Variants in KNL1 observed in about 807,000 individuals in gnomAD.
KNL1 encodes the protein kinetochore scaffold 1.
In KNL1, 66 loss-of-function variants were observed where a neutral mutation model predicts 201.3. The ratio of observed to expected loss-of-function variants is 0.33; its 90% CI spans 0.27 to 0.40. The LOEUF (loss-of-function observed/expected upper bound fraction) is 0.40, where lower values mean the gene tolerates loss of function less well. Ranked by LOEUF, KNL1 falls within the 10% of genes least tolerant of loss-of-function variation. The pLI is 1.00. For synonymous variants in KNL1, 895 were observed against 899.2 expected (o/e 1.00, Z 0.08); for missense variants, 2,815 against 2,690.5 (o/e 1.05, Z -1.02).
Position 40,627,531 on chromosome 15 carries a change from C to A in KNL1, c.5377-539C>A, listed in dbSNP as rs1182529799. ...TCCGCCTCAAAAAAAAAAAAAAAAACTTACCAAAAGCATGTAAGAAGATAG... is the reference window on the plus strand; with the variant it reads ...TCCGCCTCAAAAAAAAAAAAAAAAAATTACCAAAAGCATGTAAGAAGATAG... On this transcript the variant is annotated intron_variant, in intron 10 of 25. Coordinates refer to ENST00000399668, the MANE Select transcript of KNL1 (RefSeq NM_144508.5). 4.8e-5 allele frequency among the ~76,000 whole-genome samples: 7 copies of A among 146,870 alleles called. No individual in the cohort carries two copies. In the East Asian group the frequency reaches 6.0e-4, roughly 13 times the overall value.
At chr15:40,652,558 T>A (rs1270604237) in intron 21 of KNL1, among the ~76,000 whole-genome samples, 1 of 149,482 alleles carries the variant, frequency 6.7e-6, no homozygotes, top group Non-Finnish European at 1.5e-5. Flanking sequence ...TCATCTGAGG[T>A]CAGGAGTTCG....
Position 40,651,569 on chromosome 15 carries a change from T to G in KNL1, c.6311T>G (p.Leu2104Trp), listed in dbSNP as rs115973566. ...AGAACTGAAGAGCTACTGGATCAGT[T>G]GAGGTAAGGAAATGCAGGCATCATT... Reference protein sequence around the residue: ...RNRTEELLDQLSLSEWDVVEW... With the variant: ...RNRTEELLDQWSLSEWDVVEW... Residue 2104 changes from leucine to tryptophan, a missense_variant, in exon 20 of 26, where the codon TTG becomes TGG. Physicochemically the swap from Leu to Trp is moderately conservative, Grantham distance 61. Coordinates refer to ENST00000399668, the MANE Select transcript of KNL1 (RefSeq NM_144508.5). 3.8e-5 allele frequency: 61 copies of G among 1,598,900 alleles called. No homozygotes were observed. The African/African-American group carries it at 6.5e-4, about 17-fold the overall frequency.
rs577481753 is a variant in KNL1, at chr15:40,664,171, C to T, written c.*1983C>T. 13 of 182,534 alleles carry T rather than the reference C, an allele frequency of 7.1e-5. No homozygotes were observed. The highest frequency in any genetic ancestry group is 2.7e-4 in the East Asian group (3 of 11,150). 11.3% of individuals were successfully genotyped at this position (182,534 alleles called of 1,614,324 possible). On this transcript the variant is annotated 3_prime_UTR_variant, in exon 26 of 26. Coordinates refer to ENST00000399668, the MANE Select transcript of KNL1 (RefSeq NM_144508.5). ...CTAAAAAAGATTTGGCTTGTAATGA[C>T]GGTCTCTGCTTTTTTGGGTTTGGAG...
Position 40,662,338 on chromosome 15 carries a change from C to T in KNL1, c.*150C>T. 2 of 584,512 alleles carry T rather than the reference C, an allele frequency of 3.4e-6. No individual in the cohort carries two copies. Among genetic ancestry groups the T allele is most frequent in the African/African-American group, 3.8e-5 (2 of 53,086 alleles). 36.2% of individuals were successfully genotyped at this position (584,512 alleles called of 1,614,324 possible). On this transcript the variant is annotated 3_prime_UTR_variant, in exon 26 of 26. Transcript: ENST00000399668. ...TAGTTAATCTGTATGTTTTTTATAT[C>T]TCTGCAGAATGATGGTGATGAAGTC...
intron 1 of KNL1, among the ~76,000 whole-genome samples, chr15:40,599,334 T>C (rs914642038): frequency 6.7e-6 from 1 of 149,820 alleles, no homozygotes; most frequent in Non-Finnish European, 1.5e-5. Flanking sequence ...AAAAAAAGTT[T>C]TGTTTTGTTT....
chr15:40,630,737 C>G (rs1567013604), intron 13 of KNL1, among the ~76,000 whole-genome samples: 1 of 152,124 alleles, frequency 6.6e-6, no homozygotes, highest in Non-Finnish European at 1.5e-5. Flanking sequence ...CCTCTAGTTG[C>G]AAGAAAATCA....
At chr15:40,595,475 G>A (rs1891594967) in intron 1 of KNL1, among the ~76,000 whole-genome samples, 1 of 152,168 alleles carries the variant, frequency 6.6e-6, no homozygotes, top group Admixed American at 6.5e-5. Context: ...AAAGGTTAGG[G>A]TCAAAGCAGT....
intron 5 of KNL1, 137 bp downstream of exon 5, chr15:40,609,045 G>A (rs546153051): frequency 7.8e-5 from 46 of 591,418 alleles, no homozygotes; most frequent in African/African-American, 6.2e-4. Context: ...TCAGTATTAT[G>A]TTTAAAAGAG....
chr15:40,608,564 G>A (rs1892050657), intron 4 of KNL1, among the ~76,000 whole-genome samples: 1 of 151,894 alleles, frequency 6.6e-6, no homozygotes. Flanking sequence ...TGACCAACAT[G>A]GAGAAACCCC....
chr15:40,612,046 A>G (rs535037610), intron 7 of KNL1, among the ~76,000 whole-genome samples: 2 of 152,050 alleles, frequency 1.3e-5, no homozygotes, highest in Non-Finnish European at 2.9e-5. Context: ...GGCCGGGCAC[A>G]GTGGCTTACG....
rs1396832507 is a variant in KNL1, at chr15:40,657,444, C to T, written c.6684C>T (p.Asn2228=). 1 of 1,548,670 alleles carries T rather than the reference C, an allele frequency of 6.5e-7. No homozygotes were observed. ...TAAAGAGATGGGGACCAAATTATAA[C>T]CTAATGAACATAGATATTAATAATA... ...EYLKRWGPNY[N]LMNIDINNNE... The change falls in exon 24 of 26, where the codon AAC becomes AAT. Residue 2228 remains asparagine (N), a synonymous_variant. Coordinates refer to ENST00000399668, the MANE Select transcript of KNL1 (RefSeq NM_144508.5).
intron 13 of KNL1, among the ~76,000 whole-genome samples, chr15:40,639,641 A>G (rs1043350775): frequency 1.3e-5 from 2 of 151,922 alleles, no homozygotes; most frequent in East Asian, 1.9e-4. Flanking sequence ...ATGGTGGCTC[A>G]CATGCACCTG....
chr15:40,657,561 T>A, intron 24 of KNL1, 88 bp downstream of exon 24: 1 of 721,170 alleles, frequency 1.4e-6, no homozygotes, highest in Admixed American at 2.1e-5. Context: ...GGTCTGAGAT[T>A]AAGGTGTAAG....
Position 40,623,181 on chromosome 15 carries a change from C to G in KNL1, c.2917C>G (p.Pro973Ala). 6.2e-7 allele frequency: 1 copy of G among 1,613,900 alleles called. No individual in the cohort carries two copies. Among genetic ancestry groups the G allele is most frequent in the Non-Finnish European group, 8.5e-7 (1 of 1,179,894 alleles). ...CCAAGAAAAGGAAAGAACAGACAGACCTAACTTTGAACTATCCCAAAGGAA... is the reference window on the plus strand; with the variant it reads ...CCAAGAAAAGGAAAGAACAGACAGAGCTAACTTTGAACTATCCCAAAGGAA... ...DYQEKERTDRPNFELSQRKSL... is the reference protein window; with the variant it reads ...DYQEKERTDRANFELSQRKSL... The change falls in exon 10 of 26, where the codon CCT becomes GCT. Residue 973 changes from proline to alanine, a missense_variant. Pro to Ala is a conservative substitution (Grantham distance 27, BLOSUM62 -1). Coordinates refer to ENST00000399668, the MANE Select transcript of KNL1 (RefSeq NM_144508.5).
intron 19 of KNL1, among the ~76,000 whole-genome samples, chr15:40,651,088 A>C (rs1162769765): frequency 6.6e-6 from 1 of 151,762 alleles, no homozygotes; most frequent in African/African-American, 2.4e-5. Flanking sequence ...AAAAAAAAAA[A>C]CTGTGACATG....
At chr15:40,620,432 C>T (rs999665945) in intron 9 of KNL1, among the ~76,000 whole-genome samples, 11 of 151,986 alleles carry the variant, frequency 7.2e-5, no homozygotes, top group Non-Finnish European at 8.8e-5. Context: ...AGGATGGTCT[C>T]GATCTCCTGC....
intron 13 of KNL1, among the ~76,000 whole-genome samples, chr15:40,635,967 G>C (rs973825408): frequency 6.6e-6 from 1 of 152,124 alleles, no homozygotes; most frequent in African/African-American, 2.4e-5. Flanking sequence ...CTCCCCAGTA[G>C]CTGGGGATTG....
intron 17 of KNL1, among the ~76,000 whole-genome samples, chr15:40,648,185 C>T (rs1893451281): frequency 2.0e-5 from 3 of 152,136 alleles, no homozygotes; most frequent in African/African-American, 7.2e-5. Context: ...TTCTAGCTTC[C>T]TTCTGAACCT....
At chr15:40,650,097 T>G (rs923320352) in intron 17 of KNL1, 46 of 436,064 alleles carry the variant, frequency 1.1e-4, no homozygotes, top group Non-Finnish European at 1.8e-4. Flanking sequence ...TTCACCCCTT[T>G]GTTGACTACC....
Sources: allele counts gnomAD v4.1 joint callset (sites outside exome capture counted in the v4.1 genomes callset), GRCh38; gene constraint gnomAD v4.1.1; transcripts MANE v1.5; gene names NCBI Gene and HGNC (gene_info 2026-07-23, HGNC 2026-07-21).